Variants in CYP2U1 observed in about 807,000 individuals in gnomAD.
The protein encoded by CYP2U1 is cytochrome P450 family 2 subfamily U member 1, also known as cytochrome P450 2U1.
CYP2U1 carries 28 observed loss-of-function variants against 42.8 expected under a neutral mutation model. The observed-to-expected ratio is 0.65, with a 90% confidence interval of 0.48 to 0.90. The LOEUF (loss-of-function observed/expected upper bound fraction) is 0.90. Among genes scored for constraint, CYP2U1 ranks in the 40% least tolerant of loss-of-function variants. The pLI, the probability that CYP2U1 is intolerant of heterozygous loss-of-function variation, is 0.00. For synonymous variants in CYP2U1, 296 were observed against 278.9 expected (o/e 1.06, Z -0.61); for missense variants, 642 against 693.8 (o/e 0.93, Z 0.84).
rs549326806 is a variant in CYP2U1, at chr4:107,932,542, G to T, written c.490+409G>T. ...ATATTCTTTTTACCTTGTGGGTTTC[G>T]AATGTAAGAATTTAAGAAGATAATT... On this transcript the variant is annotated intron_variant, in intron 1 of 4. Coordinates refer to ENST00000332884, the MANE Select transcript of CYP2U1 (RefSeq NM_183075.3). 1.2e-4 allele frequency among the ~76,000 whole-genome samples: 19 copies of T among 152,292 alleles called. No individual in the cohort carries two copies. The South Asian group carries it at 3.9e-3, about 32-fold the overall frequency.
chr4:107,932,743 C>T (rs764592137), intron 1 of CYP2U1, among the ~76,000 whole-genome samples: 1 of 152,204 alleles, frequency 6.6e-6, no homozygotes, highest in Non-Finnish European at 1.5e-5. Flanking sequence ...TACCGTCCCC[C>T]TTTGTCTTAC....
At chr4:107,948,578 A>C (rs1733794684) in intron 3 of CYP2U1, among the ~76,000 whole-genome samples, 2 of 150,350 alleles carry the variant, frequency 1.3e-5, no homozygotes. Flanking sequence ...GCCTGTCTCA[A>C]TAATAATAAT....
At chr4:107,932,335 C>G in intron 1 of CYP2U1, 1 of 508,228 alleles carries the variant, frequency 2.0e-6, no homozygotes, top group South Asian at 8.4e-5. Flanking sequence ...GTGACGGACG[C>G]GTGACTTGCT....
rs1229535262 is a variant in CYP2U1 at position 107,945,535 on chromosome 4, T to C, written c.1056T>C (p.Ala352=). ...LFYIIGDLFI[A]GTDTTTNSLL... ...ATATCATTGGGGATCTCTTTATTGC[T>C]GGGACTGATACCACAACTAACTCTT... The change falls in exon 2 of 5, where the codon GCT becomes GCC. Residue 352 remains alanine (A), a synonymous_variant. Coordinates refer to ENST00000332884, the MANE Select transcript of CYP2U1 (RefSeq NM_183075.3). 3.1e-6 allele frequency: 5 copies of C among 1,613,126 alleles called. No homozygotes were observed. The highest frequency in any genetic ancestry group is 4.2e-6 in the Non-Finnish European group (5 of 1,179,522).
chr4:107,931,558 C>G lies in CYP2U1; in HGVS notation c.-86C>G. 8.4e-7 allele frequency: 1 copy of G among 1,190,294 alleles called. No homozygotes were observed. Among genetic ancestry groups the G allele is most frequent in the Non-Finnish European group, 1.0e-6 (1 of 956,388 alleles). 73.7% of individuals were successfully genotyped at this position (1,190,294 alleles called of 1,614,324 possible). A position where few individuals can be genotyped will look rare whatever the true frequency, so the allele number is the denominator to read the frequency against. On this transcript the variant is annotated 5_prime_UTR_variant, in exon 1 of 5. Coordinates refer to ENST00000332884, the MANE Select transcript of CYP2U1 (RefSeq NM_183075.3). ...CCGCCCCCGACCTTCCAGAGCAGAG[C>G]AGGACACTGGCGCCGCGGGTCAGGC...
At chr4:107,941,365 T>TGA in intron 1 of CYP2U1, 1 of 152,266 alleles carries the variant, frequency 6.6e-6, no homozygotes, top group African/African-American at 2.4e-5. Context: ...AGTATCTGGT[T>TGA]GAGAGATCAA....
intron 1 of CYP2U1, chr4:107,941,207 T>C (rs1438527857): frequency 6.6e-6 from 1 of 151,596 alleles, no homozygotes; most frequent in Non-Finnish European, 1.5e-5. Flanking sequence ...AACAATGTCA[T>C]CTAATATATA....
chr4:107,936,308 T>G (rs977445319), intron 1 of CYP2U1: 4 of 152,258 alleles, frequency 2.6e-5, no homozygotes, highest in Admixed American at 1.3e-4. Flanking sequence ...ACTTAATCCC[T>G]AATGCAACAG....
At chr4:107,935,346 G>A (rs1733219634) in intron 1 of CYP2U1, among the ~76,000 whole-genome samples, 2 of 152,132 alleles carry the variant, frequency 1.3e-5, no homozygotes, top group Admixed American at 6.5e-5. Flanking sequence ...TGCTTCAGTA[G>A]TATCTCAACT....
chr4:107,931,687 C>A lies in CYP2U1; in HGVS notation c.44C>A (p.Pro15His). The A allele has an allele frequency of 7.5e-7, 1 of 1,335,710 alleles. No individual in the cohort carries two copies. Among genetic ancestry groups the A allele is most frequent in the Non-Finnish European group, 9.5e-7 (1 of 1,052,508 alleles). 82.7% of individuals were successfully genotyped at this position (1,335,710 alleles called of 1,614,324 possible). Residue 15 changes from proline (P) to histidine (H), a missense_variant, in exon 1 of 5, where the codon CCC becomes CAC. Pro to His is a moderately conservative substitution (Grantham distance 77). Transcript: ENST00000332884. ...TCGCAGCCGCCGGCCGAGGACCCGC[C>A]CTGGCCCGCGCGCCTCCTGCGTGCG... is the stretch of plus-strand genomic sequence containing the variant. ...GPSQPPAEDP[P>H]WPARLLRAPL...
At position 107,931,731 on chromosome 4, in the gene CYP2U1, C is replaced by A. The variant is rs1420060102; in HGVS notation, c.88C>A (p.Leu30Met). 4 of 1,410,864 alleles carry A rather than the reference C, an allele frequency of 2.8e-6. No individual in the cohort carries two copies. Among genetic ancestry groups the A allele is most frequent in the Non-Finnish European group, 3.7e-6 (4 of 1,092,556 alleles). The allele number at this position is 1,410,864 out of a possible 1,614,324, so 87.4% of individuals were successfully genotyped here. Residue 30 changes from leucine (L) to methionine (M), a missense_variant, in exon 1 of 5, where the codon CTG becomes ATG. Transcript: ENST00000332884. ...GCGTGCGCCTCTGGGGCTGCTGCGG[C>A]TGGACCCCAGCGGGGGCGCGCTGCT... The part of the protein sequence containing the change: ...LLRAPLGLLR[L>M]DPSGGALLLC...
Position 107,931,914 on chromosome 4 carries a change from A to T in CYP2U1, c.271A>T (p.Thr91Ser). Residue 91 changes from threonine to serine, a missense_variant, in exon 1 of 5, where the codon ACC (threonine) becomes TCC (serine). Coordinates refer to ENST00000332884, the MANE Select transcript of CYP2U1 (RefSeq NM_183075.3). ...GCGGCGGAGCTGGCTGAGCAGCAGG[A>T]CCAGGGCCGCAGGGATTGATCCCTC... ...LRRRSWLSSR[T>S]RAAGIDPSVI... The T allele has an allele frequency of 6.4e-7, 1 of 1,550,854 alleles. No homozygotes were observed. Among genetic ancestry groups the T allele is most frequent in the Non-Finnish European group, 8.7e-7 (1 of 1,146,910 alleles).
At chr4:107,944,842 A>ATATATATATATATATATATG (rs1195153066) in intron 1 of CYP2U1, 128 bp from the exon 2 acceptor site, 1 of 146,488 alleles carries the variant, frequency 6.8e-6, no homozygotes, top group East Asian at 3.2e-4. Flanking sequence ...ATATATACAT[A>ATATATATATATATATATATG]TATATATATT....
rs1733881868 is a variant in CYP2U1 at position 107,950,731 on chromosome 4, C to T, written c.*308C>T. 4.3e-6 allele frequency: 1 copy of T among 230,844 alleles called. No individual in the cohort carries two copies. Among genetic ancestry groups the T allele is most frequent in the Non-Finnish European group, 8.4e-6 (1 of 118,448 alleles). 14.3% of individuals were successfully genotyped at this position (230,844 alleles called of 1,614,324 possible). ...GGGCCAATCTTCTCATTTCTTAGTG[C>T]CTCAGACATCCCATATGTAAAATGA... is the stretch of plus-strand genomic sequence containing the variant. On this transcript the variant is annotated 3_prime_UTR_variant, in exon 5 of 5. Coordinates refer to ENST00000332884, the MANE Select transcript of CYP2U1 (RefSeq NM_183075.3).
At chr4:107,934,103 AT>A (rs1560695019) in intron 1 of CYP2U1, among the ~76,000 whole-genome samples, 1 of 150,572 alleles carries the variant, frequency 6.6e-6, no homozygotes, top group Non-Finnish European at 1.5e-5. Context: ...CCATCATACT[AT>A]TTTACAGTGA....
In CYP2U1 at chr4:107,945,479, A is replaced by G; in HGVS notation, c.1000A>G (p.Asn334Asp). ...GGAAGAGGAGAGGAAAAATAATAGTAACAGCAGTTTTGATGAAGAGTACTT... is the reference window on the plus strand; with the variant it reads ...GGAAGAGGAGAGGAAAAATAATAGTGACAGCAGTTTTGATGAAGAGTACTT... ...HMEEERKNNS[N>D]SSFDEEYLFY... The change falls in exon 2 of 5, where the codon AAC becomes GAC. Residue 334 changes from asparagine (N) to aspartate (D), a missense_variant. By Grantham distance (23) the Asn-to-Asp change is conservative. Transcript: ENST00000332884. 1 of 1,614,048 alleles carries G rather than the reference A, an allele frequency of 6.2e-7. No homozygotes were observed. The highest frequency in any genetic ancestry group is 1.3e-5 in the African/African-American group (1 of 75,060).
At chr4:107,939,332 A>G (rs1733395535) in intron 1 of CYP2U1, among the ~76,000 whole-genome samples, 1 of 152,152 alleles carries the variant, frequency 6.6e-6, no homozygotes, top group Non-Finnish European at 1.5e-5. Flanking sequence ...GAATGATTAA[A>G]CTTTTGTAGC....
intron 3 of CYP2U1, 148 bp downstream of exon 3, chr4:107,947,685 G>A: frequency 1.3e-6 from 1 of 788,978 alleles, no homozygotes; most frequent in East Asian, 2.7e-5. Context: ...AAATGTCTAG[G>A]GAATGTTCAG....
At position 107,950,479 on chromosome 4, in the gene CYP2U1, C is replaced by A. The variant is rs1733872759; in HGVS notation, c.*56C>A. ...ATATATAAATACATATCCTTCTAAG[C>A]AGATTCTTCCTACTGCAAAGGACAG... On this transcript the variant is annotated 3_prime_UTR_variant, in exon 5 of 5. Transcript: ENST00000332884. 6.7e-7 allele frequency: 1 copy of A among 1,499,236 alleles called. No individual in the cohort carries two copies. The highest frequency in any genetic ancestry group is 8.9e-7 in the Non-Finnish European group (1 of 1,122,612). The allele number at this position is 1,499,236 out of a possible 1,614,324, so 92.9% of individuals were successfully genotyped here.
Sources: gnomAD v4.1 joint callset for allele counts (sites outside exome capture counted in the v4.1 genomes callset) on GRCh38, gnomAD v4.1.1 for gene constraint, MANE v1.5 for transcripts, NCBI Gene and HGNC (gene_info 2026-07-23, HGNC 2026-07-21) for gene names.